The following INPP4B variants were observed in gnomAD, a reference collection of about 807,000 sequenced individuals.
INPP4B encodes inositol polyphosphate-4-phosphatase type II B, also known as inositol polyphosphate 4-phosphatase type II.
A neutral mutation model predicts 122.5 loss-of-function variants in INPP4B; 55 were observed. That is an observed-to-expected ratio of 0.45 (90% CI 0.36 to 0.56). INPP4B has a LOEUF of 0.56. INPP4B is among the 20% of genes least tolerant of loss of function. INPP4B has a pLI of 0.00. For missense variants in INPP4B, 1,000 were observed against 1,097.7 expected (o/e 0.91, Z 1.26); for synonymous variants, 403 against 388.7 (o/e 1.04, Z -0.43).
intron 23 of INPP4B, among the ~76,000 whole-genome samples, chr4:142,088,284 C>T (rs918123419): frequency 2.6e-5 from 4 of 152,174 alleles, no homozygotes; most frequent in Non-Finnish European, 5.9e-5. Flanking sequence ...AATTTATAAT[C>T]ATGGCATGCA....
intron 2 of INPP4B, among the ~76,000 whole-genome samples, chr4:142,598,178 C>T (rs1173695677): frequency 6.6e-6 from 1 of 152,124 alleles, no homozygotes; most frequent in Non-Finnish European, 1.5e-5. Context: ...TGGCCAGGAG[C>T]CCCCAGGGGC....
chr4:142,419,189 C>A (rs1806369840), intron 5 of INPP4B, among the ~76,000 whole-genome samples: 1 of 151,958 alleles, frequency 6.6e-6, no homozygotes, highest in African/African-American at 2.4e-5. Flanking sequence ...AGGTTCTGGC[C>A]ATCTTAAAAT....
Position 142,694,999 on chromosome 4 carries a change from G to T in INPP4B, c.-191+30840C>A, listed in dbSNP as rs569010745. ...ATAGGGTCTTGTGGTGGGGGTAGGG[G>T]TATTATTCTGCACCTATAAAGTCAA... On this transcript the variant is annotated intron_variant, in intron 2 of 25. Coordinates refer to ENST00000262992, the MANE Select transcript of INPP4B (RefSeq NM_001101669.3). 5.9e-5 allele frequency among the ~76,000 whole-genome samples: 9 copies of T among 152,000 alleles called. No homozygotes were observed. In the South Asian group the frequency reaches 1.2e-3, roughly 21 times the overall value.
At chr4:142,735,630 C>T (rs536934092) in intron 1 of INPP4B, among the ~76,000 whole-genome samples, 1 of 152,298 alleles carries the variant, frequency 6.6e-6, no homozygotes, top group African/African-American at 2.4e-5. Context: ...AAACCCCGAT[C>T]CTTTGACTTC....
intron 8 of INPP4B, chr4:142,305,995 A>T (rs1243329583): frequency 2.3e-6 from 2 of 862,966 alleles, no homozygotes; most frequent in African/African-American, 3.7e-5. Flanking sequence ...TGTACAAGTT[A>T]TAAATAGAAA....
At chr4:142,306,478 C>T (rs1249379281) in intron 8 of INPP4B, among the ~76,000 whole-genome samples, 2 of 152,148 alleles carry the variant, frequency 1.3e-5, no homozygotes, top group African/African-American at 4.8e-5. Flanking sequence ...AACAGTCTCT[C>T]ATCATAGGTC....
chr4:142,331,689 T>C (rs1201798456), intron 7 of INPP4B, among the ~76,000 whole-genome samples: 1 of 152,210 alleles, frequency 6.6e-6, no homozygotes, highest in Non-Finnish European at 1.5e-5. Flanking sequence ...ATGGAAACTT[T>C]GGCCATGGGA....
intron 2 of INPP4B, among the ~76,000 whole-genome samples, chr4:142,509,045 C>A (rs1335384136): frequency 1.3e-5 from 2 of 152,162 alleles, no homozygotes; most frequent in African/African-American, 4.8e-5. Context: ...AAGCCAGCAA[C>A]TGATAAATAA....
intron 5 of INPP4B, among the ~76,000 whole-genome samples, chr4:142,409,025 C>CT (rs1804034864): frequency 6.6e-6 from 1 of 152,094 alleles, no homozygotes; most frequent in Non-Finnish European, 1.5e-5. Context: ...CAATAAGTGA[C>CT]TTTTTATTTC....
intron 2 of INPP4B, among the ~76,000 whole-genome samples, chr4:142,713,238 C>T (rs1451063936): frequency 6.6e-6 from 1 of 152,124 alleles, no homozygotes; most frequent in Non-Finnish European, 1.5e-5. Context: ...ATTGAAAGTA[C>T]AAGTTTATGG....
rs528949362 is a variant in INPP4B, at chr4:142,737,397, C to A, written c.-253-11496G>T. ...TATTTAATAAATGGTGCTGGGAAAA[C>A]TGGCTAGCTATATGTAGAAAGCTGA... On this transcript the variant is annotated intron_variant, in intron 1 of 25. Coordinates refer to ENST00000262992, the MANE Select transcript of INPP4B (RefSeq NM_001101669.3). Among the ~76,000 whole-genome samples the A allele has an allele frequency of 5.9e-5, 9 of 152,260 alleles. No homozygotes were observed. The South Asian group carries it at 1.9e-3, about 32-fold the overall frequency.
intron 2 of INPP4B, among the ~76,000 whole-genome samples, chr4:142,635,628 T>C (rs746636735): frequency 6.6e-6 from 1 of 152,162 alleles, no homozygotes; most frequent in Non-Finnish European, 1.5e-5. Context: ...ATACTGCATG[T>C]TCTCACTTGT....
chr4:142,769,988 A>T (rs1163123858), intron 1 of INPP4B, among the ~76,000 whole-genome samples: 1 of 152,194 alleles, frequency 6.6e-6, no homozygotes, highest in Non-Finnish European at 1.5e-5. Context: ...ATTATTACTC[A>T]TTGACAAATC....
At chr4:142,143,401 C>T (rs1318851504) in intron 18 of INPP4B, among the ~76,000 whole-genome samples, 1 of 151,936 alleles carries the variant, frequency 6.6e-6, no homozygotes, top group African/African-American at 2.4e-5. Flanking sequence ...TCCCTTTACA[C>T]ATGATAGCAA....
At chr4:142,587,955 C>G (rs1220032132) in intron 2 of INPP4B, among the ~76,000 whole-genome samples, 2 of 151,814 alleles carry the variant, frequency 1.3e-5, no homozygotes, top group Non-Finnish European at 2.9e-5. Flanking sequence ...TATAGAATAT[C>G]ATATCTAACT....
At chr4:142,434,820 T>C (rs952496052) in intron 3 of INPP4B, among the ~76,000 whole-genome samples, 4 of 152,062 alleles carry the variant, frequency 2.6e-5, no homozygotes, top group African/African-American at 9.7e-5. Context: ...TTGGCTTCTC[T>C]GGGCCACATT....
At position 142,829,451 on chromosome 4, in the gene INPP4B, G is replaced by A. The variant is rs138163976; in HGVS notation, c.-254+16758C>T. ...TGACAGAAGTCATTGCTCCCTCTACGTGGACCTGCTCCACAAAGCCTCCCT... is the reference window on the plus strand; with the variant it reads ...TGACAGAAGTCATTGCTCCCTCTACATGGACCTGCTCCACAAAGCCTCCCT... On this transcript the variant is annotated intron_variant, in intron 1 of 25. Coordinates refer to ENST00000262992, the MANE Select transcript of INPP4B (RefSeq NM_001101669.3). Among the ~76,000 whole-genome samples the A allele has an allele frequency of 6.7e-3, 1,013 of 152,174 alleles. 18 individuals carry two copies. The highest frequency in any genetic ancestry group is 0.023 in the African/African-American group (968 of 41,512).
chr4:142,323,851 G>T (rs1307266055), intron 7 of INPP4B, among the ~76,000 whole-genome samples: 1 of 151,990 alleles, frequency 6.6e-6, no homozygotes, highest in African/African-American at 2.4e-5. Context: ...GGTAAGGTGA[G>T]GGGTAGGGAG....
At chr4:142,095,530 T>C (rs1194151933) in intron 23 of INPP4B, among the ~76,000 whole-genome samples, 1 of 152,172 alleles carries the variant, frequency 6.6e-6, no homozygotes, top group Admixed American at 6.5e-5. Flanking sequence ...AAAGGGATGA[T>C]GAGTCTCAAT....
Sources: gnomAD v4.1 joint callset for allele counts (sites outside exome capture counted in the v4.1 genomes callset) on GRCh38, gnomAD v4.1.1 for gene constraint, MANE v1.5 for transcripts, NCBI Gene and HGNC (gene_info 2026-07-23, HGNC 2026-07-21) for gene names.